SNURF: variants seen among roughly 807,000 people sequenced by gnomAD.
SNURF encodes the protein SNRPN upstream open reading frame.
Under a neutral mutation model 11.6 loss-of-function variants are expected in SNURF, and 6 were observed. That is an observed-to-expected ratio of 0.52 (90% CI 0.28 to 1.02). SNURF has a LOEUF of 1.02. Ranked by LOEUF, SNURF falls within the 50% of genes least tolerant of loss-of-function variation. The pLI is 0.09. For synonymous variants in SNURF, 29 were observed against 31.6 expected (o/e 0.92, Z 0.27); for missense variants, 84 against 88.4 (o/e 0.95, Z 0.20).
exon 3 of SNURF, chr15:24,968,323 T>G (rs990821988): frequency 6.5e-6 from 2 of 307,090 alleles, no homozygotes; most frequent in East Asian, 7.6e-5. Flanking sequence ...TTTTGCGTTT[T>G]TTTTAATTAT....
At chr15:24,961,975 T>A in intron 1 of SNURF, 139 bp from the exon 2 acceptor site, 2 of 811,454 alleles carry the variant, frequency 2.5e-6, no homozygotes, top group South Asian at 2.9e-5. Context: ...AGGTTAAAGA[T>A]CTTGTAATAA....
chr15:24,975,182 T>C (rs559890147), intron 3 of SNURF, among the ~76,000 whole-genome samples: 1 of 152,256 alleles, frequency 6.6e-6, no homozygotes, highest in South Asian at 2.1e-4. Context: ...CATAATCCTT[T>C]GTGGTCCTCC....
At chr15:24,956,561 C>T (rs2062939231) in intron 1 of SNURF, among the ~76,000 whole-genome samples, 1 of 152,206 alleles carries the variant, frequency 6.6e-6, no homozygotes, top group African/African-American at 2.4e-5. Context: ...GCAGAGGTGA[C>T]AGTCGCCTCC....
At chr15:24,975,764 A>AT (rs1166305678) in intron 4 of SNURF, among the ~76,000 whole-genome samples, 2 of 152,174 alleles carry the variant, frequency 1.3e-5, no homozygotes, top group Non-Finnish European at 2.9e-5. Context: ...ACTCGTATTT[A>AT]TTTTTAAAAT....
intron 4 of SNURF, among the ~76,000 whole-genome samples, chr15:24,975,839 G>C (rs976401284): frequency 6.6e-6 from 1 of 152,190 alleles, no homozygotes. Context: ...AATCTTGGTT[G>C]AAATGGAGAA....
intron 1 of SNURF, among the ~76,000 whole-genome samples, chr15:24,958,154 T>G (rs181303445): frequency 6.6e-6 from 1 of 152,230 alleles, no homozygotes; most frequent in Non-Finnish European, 1.5e-5. Context: ...AGTTACTCTG[T>G]ATCTTTATGT....
intron 2 of SNURF, among the ~76,000 whole-genome samples, chr15:24,963,596 C>T (rs2075178294): frequency 6.9e-6 from 1 of 145,954 alleles, no homozygotes; most frequent in Admixed American, 6.9e-5. Flanking sequence ...GCCTGGGTGA[C>T]AGAGCAAGAC....
chr15:24,968,492 A>G (rs1243787346), downstream of SNURF: 4 of 156,420 alleles, frequency 2.6e-5, no homozygotes, highest in Non-Finnish European at 5.7e-5. Context: ...AAATATGCAG[A>G]TGTGAAAATA....
At chr15:24,977,720 T>A in intron 6 of SNURF, 1 of 1,477,022 alleles carries the variant, frequency 6.8e-7, no homozygotes, top group Admixed American at 2.2e-5. Context: ...TTATTTTCTG[T>A]GTTTGAATAA....
downstream of SNURF, among the ~76,000 whole-genome samples, chr15:24,971,050 T>G (rs1334243620): frequency 6.6e-6 from 1 of 151,046 alleles, no homozygotes; most frequent in African/African-American, 2.5e-5. Flanking sequence ...CTAGTCATCT[T>G]ATTTTACTAT....
At chr15:24,961,460 T>C (rs2074795317) in intron 1 of SNURF, among the ~76,000 whole-genome samples, 1 of 152,186 alleles carries the variant, frequency 6.6e-6, no homozygotes. Flanking sequence ...CTGCAGTCCC[T>C]AATATGGCTA....
exon 2 of SNURF, chr15:24,962,119 G>A (rs1308961054): frequency 1.9e-6 from 3 of 1,613,920 alleles, no homozygotes; most frequent in East Asian, 2.2e-5. Context: ...TTCAGGGATC[G>A]CTTACACCTG....
At chr15:24,955,154 C>A in intron 1 of SNURF, 92 bp downstream of exon 1, 1 of 1,548,406 alleles carries the variant, frequency 6.5e-7, no homozygotes. Flanking sequence ...ACTTGGAGTA[C>A]TGAATAAACG....
chr15:24,966,569 G>T (rs1451323461), intron 2 of SNURF, among the ~76,000 whole-genome samples: 10 of 152,054 alleles, frequency 6.6e-5, no homozygotes, highest in Non-Finnish European at 1.5e-4. Flanking sequence ...ATCTTTTGTG[G>T]CCTGGTTAGT....
At chr15:24,973,956 G>C (rs935059763) in intron 3 of SNURF, among the ~76,000 whole-genome samples, 3 of 152,292 alleles carry the variant, frequency 2.0e-5, no homozygotes, top group African/African-American at 7.2e-5. Flanking sequence ...AAGAGTAATT[G>C]AGATGTTGAT....
At chr15:24,957,017 T>G (rs1251094452) in intron 1 of SNURF, among the ~76,000 whole-genome samples, 1 of 152,242 alleles carries the variant, frequency 6.6e-6, no homozygotes, top group Admixed American at 6.5e-5. Context: ...TACCTTTTCA[T>G]TTTTGTAGTT....
chr15:24,966,850 C>T (rs997249288), intron 2 of SNURF, among the ~76,000 whole-genome samples: 2 of 152,164 alleles, frequency 1.3e-5, no homozygotes, highest in African/African-American at 4.8e-5. Flanking sequence ...CAGCTCCTCA[C>T]CTCAAGGCAA....
At chr15:24,965,740 A>T (rs1596265261) in intron 2 of SNURF, among the ~76,000 whole-genome samples, 1 of 152,044 alleles carries the variant, frequency 6.6e-6, no homozygotes, top group Non-Finnish European at 1.5e-5. Context: ...AATATTCTGC[A>T]CTCTATGAAT....
At chr15:24,960,719 T>C (rs2074640180) in intron 1 of SNURF, among the ~76,000 whole-genome samples, 1 of 152,202 alleles carries the variant, frequency 6.6e-6, no homozygotes, top group South Asian at 2.1e-4. Context: ...ATCGTAGCAA[T>C]AGAATTTGCC....
Sources: allele counts gnomAD v4.1 joint callset (sites outside exome capture counted in the v4.1 genomes callset), GRCh38; gene constraint gnomAD v4.1.1; transcripts MANE v1.5; gene names NCBI Gene and HGNC (gene_info 2026-07-23, HGNC 2026-07-21).